SPTLC3: variants seen among roughly 807,000 people sequenced by gnomAD.
SPTLC3 encodes serine palmitoyltransferase long chain base subunit 3, also known as serine palmitoyltransferase 3.
Under a neutral mutation model 59.3 loss-of-function variants are expected in SPTLC3, and 36 were observed. The observed-to-expected ratio is 0.61, with a 90% CI of 0.47 to 0.80. The LOEUF (loss-of-function observed/expected upper bound fraction) is 0.80, where lower values mean the gene tolerates loss of function less well. SPTLC3 is among the 30% of genes least tolerant of loss of function. SPTLC3 has a pLI of 0.00. For missense variants in SPTLC3, 625 were observed against 685.1 expected (o/e 0.91, Z 0.98); for synonymous variants, 257 against 240.8 (o/e 1.07, Z -0.62).
intron 2 of SPTLC3, among the ~76,000 whole-genome samples, chr20:13,055,849 T>C (rs1313017308): frequency 6.6e-6 from 1 of 151,244 alleles, no homozygotes; most frequent in Non-Finnish European, 1.5e-5. Flanking sequence ...ATGGAGTGAG[T>C]TGTGATGATG....
intron 6 of SPTLC3, among the ~76,000 whole-genome samples, chr20:13,107,053 C>T (rs1989942135): frequency 6.6e-6 from 1 of 152,094 alleles, no homozygotes; most frequent in East Asian, 1.9e-4. Context: ...TTGAGGTTCC[C>T]ATATTTGTCT....
At chr20:13,041,954 T>C (rs1330406463) in intron 1 of SPTLC3, among the ~76,000 whole-genome samples, 1 of 152,220 alleles carries the variant, frequency 6.6e-6, no homozygotes, top group African/African-American at 2.4e-5. Context: ...TCTTCCTCTG[T>C]TGGTATCACT....
intron 9 of SPTLC3, among the ~76,000 whole-genome samples, chr20:13,129,077 G>T (rs1233007220): frequency 6.6e-6 from 1 of 151,918 alleles, no homozygotes; most frequent in East Asian, 1.9e-4. Flanking sequence ...GGTCTCGCCA[G>T]ATTGGTCTCA....
At chr20:13,110,276 C>G (rs1399614869) in intron 7 of SPTLC3, 59 bp downstream of exon 7, 1 of 1,404,084 alleles carries the variant, frequency 7.1e-7, no homozygotes, top group Non-Finnish European at 9.9e-7. Context: ...CTGACCAGTG[C>G]GGAAAGGCTC....
intron 4 of SPTLC3, among the ~76,000 whole-genome samples, chr20:13,078,105 A>G (rs1417225845): frequency 6.7e-6 from 1 of 148,272 alleles, no homozygotes; most frequent in East Asian, 1.9e-4. Context: ...TTTATATATA[A>G]AATATAAATA....
intron 4 of SPTLC3, among the ~76,000 whole-genome samples, chr20:13,083,807 C>T (rs954413414): frequency 6.6e-6 from 1 of 152,190 alleles, no homozygotes; most frequent in African/African-American, 2.4e-5. Context: ...CAGCTCCCAA[C>T]ATCAGGGCTG....
chr20:13,141,185 T>C (rs1199907490), intron 9 of SPTLC3, among the ~76,000 whole-genome samples: 1 of 152,236 alleles, frequency 6.6e-6, no homozygotes, highest in Non-Finnish European at 1.5e-5. Flanking sequence ...TGACATGAGA[T>C]ACATTCACAA....
At position 13,165,464 on chromosome 20, in the gene SPTLC3, G is replaced by T. The variant is rs2123021505; in HGVS notation, c.*597G>T. 1 of 152,338 alleles carries T rather than the reference G, an allele frequency of 6.6e-6. No individual in the cohort carries two copies. The highest frequency in any genetic ancestry group is 3.4e-3 in the Middle Eastern group (1 of 294). The allele number at this position is 152,338 out of a possible 1,614,324, so 9.4% of individuals were successfully genotyped here. A position where few individuals can be genotyped will look rare whatever the true frequency, so the allele number is the denominator to read the frequency against. ...ATGTTTCGAGGGGGAAAGCAGAACT[G>T]ATCAACTGCGACTAGAGACGTCTTT... On this transcript the variant is annotated 3_prime_UTR_variant, in exon 12 of 12. Coordinates refer to ENST00000399002, the MANE Select transcript of SPTLC3 (RefSeq NM_018327.4).
intron 2 of SPTLC3, among the ~76,000 whole-genome samples, chr20:13,063,020 T>C (rs777544843): frequency 1.3e-5 from 2 of 152,242 alleles, no homozygotes; most frequent in Non-Finnish European, 2.9e-5. Context: ...CAAAAATGCT[T>C]GCCTAGACCG....
intron 9 of SPTLC3, among the ~76,000 whole-genome samples, chr20:13,128,465 A>T (rs965229159): frequency 6.6e-6 from 1 of 152,114 alleles, no homozygotes; most frequent in Non-Finnish European, 1.5e-5. Flanking sequence ...GGCTGCTTTC[A>T]CCTTAAGGGT....
At chr20:13,013,085 C>G (rs1454622035) in intron 1 of SPTLC3, among the ~76,000 whole-genome samples, 2 of 152,172 alleles carry the variant, frequency 1.3e-5, no homozygotes, top group East Asian at 3.9e-4. Flanking sequence ...TTCAGTGAGC[C>G]TTCATCGCAG....
chr20:13,063,996 T>C (rs1285491469), intron 2 of SPTLC3, among the ~76,000 whole-genome samples: 1 of 151,792 alleles, frequency 6.6e-6, no homozygotes, highest in Non-Finnish European at 1.5e-5. Context: ...CCCAGTATCA[T>C]TAATTAAATA....
chr20:13,069,909 T>C (rs1988376380), intron 2 of SPTLC3, among the ~76,000 whole-genome samples: 2 of 152,224 alleles, frequency 1.3e-5, no homozygotes, highest in Admixed American at 1.3e-4. Context: ...ACACACCTAC[T>C]GCTCTCTTTT....
intron 1 of SPTLC3, among the ~76,000 whole-genome samples, chr20:13,010,366 T>C (rs1011854782): frequency 1.3e-5 from 2 of 152,186 alleles, no homozygotes; most frequent in Non-Finnish European, 2.9e-5. Flanking sequence ...AGGCAGATTG[T>C]TCTAAGATCA....
At chr20:13,157,546 AC>A (rs1490840715) in intron 10 of SPTLC3, among the ~76,000 whole-genome samples, 3 of 152,190 alleles carry the variant, frequency 2.0e-5, no homozygotes, top group African/African-American at 7.2e-5. Flanking sequence ...AACACACAGC[AC>A]AACCTCTCAA....
At chr20:13,041,143 T>C (rs1168247265) in intron 1 of SPTLC3, among the ~76,000 whole-genome samples, 1 of 152,210 alleles carries the variant, frequency 6.6e-6, no homozygotes, top group African/African-American at 2.4e-5. Flanking sequence ...TAGGGAGTTT[T>C]CAGCCAATAT....
At chr20:13,075,061 T>G (rs1165412895) in intron 4 of SPTLC3, among the ~76,000 whole-genome samples, 1 of 151,660 alleles carries the variant, frequency 6.6e-6, no homozygotes, top group Non-Finnish European at 1.5e-5. Flanking sequence ...GAAAGAATAA[T>G]GCAAGCTTGT....
At chr20:13,115,177 C>G (rs6109716) in intron 7 of SPTLC3, among the ~76,000 whole-genome samples, 1 of 152,074 alleles carries the variant, frequency 6.6e-6, no homozygotes, top group Non-Finnish European at 1.5e-5. Context: ...CATAGATAGC[C>G]TTTTTATGCA....
intron 1 of SPTLC3, among the ~76,000 whole-genome samples, chr20:13,037,083 T>G (rs1316069052): frequency 6.6e-6 from 1 of 152,198 alleles, no homozygotes; most frequent in African/African-American, 2.4e-5. Flanking sequence ...ACAGGAAGGT[T>G]GCTGTAATTC....
Sources: gnomAD v4.1 joint callset for allele counts (sites outside exome capture counted in the v4.1 genomes callset) on GRCh38, gnomAD v4.1.1 for gene constraint, MANE v1.5 for transcripts, NCBI Gene and HGNC (gene_info 2026-07-23, HGNC 2026-07-21) for gene names.